RALGDS: variants seen among roughly 807,000 people sequenced by gnomAD.
The protein encoded by RALGDS is ral guanine nucleotide dissociation stimulator, also known as ral guanine nucleotide exchange factor.
RALGDS carries 44 observed loss-of-function variants against 99.8 expected under a neutral mutation model. That is an observed-to-expected ratio of 0.44 (90% CI 0.35 to 0.57). The LOEUF is 0.57. Ranked by LOEUF, RALGDS falls within the 20% of genes least tolerant of loss-of-function variation. RALGDS has a pLI of 0.01. For synonymous variants in RALGDS, 529 were observed against 505.0 expected (o/e 1.05, Z -0.64); for missense variants, 1,022 against 1,203.1 (o/e 0.85, Z 2.23).
At chr9:133,103,897 C>G in intron 10 of RALGDS, 64 bp from the exon 11 acceptor site, 7 of 1,496,554 alleles carry the variant, frequency 4.7e-6, no homozygotes, top group Non-Finnish European at 6.5e-6. Flanking sequence ...AGCCCCCAGC[C>G]CCAACTGGTC....
intron 1 of RALGDS, among the ~76,000 whole-genome samples, chr9:133,120,199 G>A (rs890820105): frequency 2.0e-5 from 3 of 152,082 alleles, no homozygotes; most frequent in Non-Finnish European, 4.4e-5. Context: ...CAGGGCACAC[G>A]AGAAACAAGC....
chr9:133,107,043 G>C, intron 7 of RALGDS, 42 bp downstream of exon 7: 1 of 1,604,626 alleles, frequency 6.2e-7, no homozygotes, highest in Non-Finnish European at 8.5e-7. Flanking sequence ...CCTGAGAACA[G>C]ATGAAGCCAA....
chr9:133,140,125 T>C (rs1310401044), intron 1 of RALGDS, among the ~76,000 whole-genome samples: 10 of 27,434 alleles, frequency 3.6e-4, no homozygotes, highest in Non-Finnish European at 6.5e-4. Flanking sequence ...AGGGGTGGGG[T>C]GGGGTGGGGT....
chr9:133,114,660 G>C (rs917372097), intron 1 of RALGDS, among the ~76,000 whole-genome samples: 3 of 152,240 alleles, frequency 2.0e-5, no homozygotes, highest in Non-Finnish European at 2.9e-5. Flanking sequence ...CTAGTGAACA[G>C]CTGATGCAGA....
intron 7 of RALGDS, among the ~76,000 whole-genome samples, 159 bp downstream of exon 7, chr9:133,106,926 T>TA (rs1261847819): frequency 6.6e-6 from 1 of 151,746 alleles, no homozygotes; most frequent in East Asian, 1.9e-4. Flanking sequence ...GGAAAGAGTG[T>TA]AAGGAAGACG....
At chr9:133,115,201 G>A (rs1255131423) in intron 1 of RALGDS, among the ~76,000 whole-genome samples, 1 of 152,198 alleles carries the variant, frequency 6.6e-6, no homozygotes, top group African/African-American at 2.4e-5. Flanking sequence ...TCAGCCTTCT[G>A]GTGCAGCTCC....
intron 15 of RALGDS, 23 bp from the exon 16 acceptor site, chr9:133,101,785 C>A: frequency 6.3e-7 from 1 of 1,583,486 alleles, no homozygotes; most frequent in Admixed American, 1.8e-5. Context: ...GTAAGATCAG[C>A]AGATCCCACT....
chr9:133,106,724 A>T lies in RALGDS; in HGVS notation c.1438T>A (p.Ser480Thr). Residue 480 changes from serine to threonine, a missense_variant, in exon 8 of 18, where the codon TCG becomes ACG. Coordinates refer to ENST00000372050, the MANE Select transcript of RALGDS (RefSeq NM_006266.4). ...GCAGAGAGGATGGCATACAGTGACG[A>T]GAAGTTCTTGAGGATCCGGCACTCC... ...ARECRILKNF[S>T]SLYAILSALQ... is the part of the protein sequence containing the mutation. 1 of 1,612,534 alleles carries T rather than the reference A, an allele frequency of 6.2e-7. No individual in the cohort carries two copies. The highest frequency in any genetic ancestry group is 1.3e-5 in the African/African-American group (1 of 75,008).
At chr9:133,108,595 C>G (rs994211465) in intron 5 of RALGDS, 78 bp downstream of exon 5, 1 of 1,560,382 alleles carries the variant, frequency 6.4e-7, no homozygotes, top group African/African-American at 1.4e-5. Context: ...AGCACCAGAC[C>G]CTGGAGCCTC....
intron 1 of RALGDS, among the ~76,000 whole-genome samples, chr9:133,118,170 G>A (rs1473443906): frequency 6.6e-6 from 1 of 152,192 alleles, no homozygotes; most frequent in Non-Finnish European, 1.5e-5. Context: ...GAGTCACCCA[G>A]GAAGCTCTCC....
In RALGDS at chr9:133,098,598, C is replaced by T. The variant is rs1445102031; in HGVS notation, c.2734G>A (p.Gly912Ser). Residue 912 changes from glycine to serine, a missense_variant, in exon 18 of 18, where the codon GGC (glycine) becomes AGC (serine). Around this residue, in one of 3 missense-constraint regions of RALGDS, gnomAD observed 825 missense variants for 994.5 expected, o/e 0.83. Transcript: ENST00000372050. Reference sequence around the variant, plus strand: ...CTGGGAGGATGCCCTCAGAAGATGCCCTTGGCAATCTTGAGTCCTTTCTGC... The same window carrying T: ...CTGGGAGGATGCCCTCAGAAGATGCTCTTGGCAATCTTGAGTCCTTTCTGC... Reference protein sequence around the residue: ...MKQKGLKIAKGIF With the variant: ...MKQKGLKIAKSIF 2.5e-6 allele frequency: 4 copies of T among 1,614,080 alleles called. No individual in the cohort carries two copies. In the Admixed American group the frequency reaches 6.7e-5, roughly 27 times the overall value.
rs938446253 is a variant in RALGDS at position 133,108,747 on chromosome 9, G to A, written c.704C>T (p.Ser235Leu). 6.2e-7 allele frequency: 1 copy of A among 1,613,736 alleles called. No homozygotes were observed. The highest frequency in any genetic ancestry group is 8.5e-7 in the Non-Finnish European group (1 of 1,180,034). ...AAGGTGGGCACGGCGCTCCAGGTCT[G>A]AGCCTGGCATGTTGAGCTGCACGTA... ...VAYVQLNMPG[S>L]DLERRAHLLL... The change falls in exon 5 of 18, where the codon TCA (serine) becomes TTA (leucine). Residue 235 changes from serine to leucine, a missense_variant. Transcript: ENST00000372050.
chr9:133,105,559 T>TG (rs1462347213), intron 9 of RALGDS, among the ~76,000 whole-genome samples: 12 of 152,102 alleles, frequency 7.9e-5, no homozygotes, highest in African/African-American at 2.9e-4. Flanking sequence ...GAGCCTGGCC[T>TG]CCCGGGGACA....
Position 133,121,189 on chromosome 9 carries a change from G to A in RALGDS, c.-35C>T, listed in dbSNP as rs1831922696. ...GCAGCGCGGGCGCGGGGCCGGCCCG[G>A]CGCGCGGCGGGGGCGGCGGCGCGGC... is the stretch of plus-strand genomic sequence containing the variant. On this transcript the variant is annotated 5_prime_UTR_variant, in exon 1 of 18. Coordinates refer to ENST00000372050, the MANE Select transcript of RALGDS (RefSeq NM_006266.4). 1.3e-5 allele frequency: 12 copies of A among 899,894 alleles called. No homozygotes were observed. The highest frequency in any genetic ancestry group is 6.7e-5 in the Admixed American group (1 of 15,006). 55.7% of individuals were successfully genotyped at this position (899,894 alleles called of 1,614,324 possible). A position where few individuals can be genotyped will look rare whatever the true frequency, so the allele number is the denominator to read the frequency against.
chr9:133,108,925 G>C, intron 4 of RALGDS, 59 bp from the exon 5 acceptor site: 1 of 1,507,072 alleles, frequency 6.6e-7, no homozygotes, highest in African/African-American at 1.4e-5. Context: ...GCCAGGCTGG[G>C]CTCCTGAGCC....
intron 1 of RALGDS, among the ~76,000 whole-genome samples, chr9:133,145,562 G>A (rs538220707): frequency 2.6e-5 from 4 of 152,322 alleles, no homozygotes; most frequent in African/African-American, 9.6e-5. Flanking sequence ...GAGAGTGATG[G>A]CAGATGTGTG....
Position 133,098,139 on chromosome 9 carries a change from T to G in RALGDS, c.*448A>C. ...TGCAGCCTGAGAAAGGCTAGAGTGG[T>G]GGGAGGGGCCGGGACCCCTGCGAAG... On this transcript the variant is annotated 3_prime_UTR_variant, in exon 18 of 18. Transcript: ENST00000372050. The G allele has an allele frequency of 3.4e-6, 1 of 289,862 alleles. No homozygotes were observed. The highest frequency in any genetic ancestry group is 6.6e-6 in the Non-Finnish European group (1 of 151,048). The allele number at this position is 289,862 out of a possible 1,614,324, so 18.0% of individuals were successfully genotyped here.
At chr9:133,109,399 G>A (rs919249264) in intron 4 of RALGDS, among the ~76,000 whole-genome samples, 5 of 152,128 alleles carry the variant, frequency 3.3e-5, no homozygotes, top group South Asian at 2.1e-4. Flanking sequence ...ATGAGTTCCC[G>A]CCGGGGGCTG....
rs776314713 is a variant in RALGDS, at chr9:133,112,183, G to T, written c.184-31C>A. On this transcript the variant is annotated intron_variant, in intron 1 of 17. Transcript: ENST00000372050. ...AAGACAACGCCCGGCAGCCGGGCGC[G>T]GGGACGTCAAGGGCCTGCCTGGCCA... 5 of 1,487,200 alleles carry T rather than the reference G, an allele frequency of 3.4e-6. No individual in the cohort carries two copies. In the South Asian group the frequency reaches 3.6e-5, roughly 11 times the overall value. 92.1% of individuals were successfully genotyped at this position (1,487,200 alleles called of 1,614,324 possible).
Sources: allele counts gnomAD v4.1 joint callset (sites outside exome capture counted in the v4.1 genomes callset), GRCh38; gene constraint gnomAD v4.1.1; regional missense constraint gnomAD v4.1.1; transcripts MANE v1.5; gene names NCBI Gene and HGNC (gene_info 2026-07-23, HGNC 2026-07-21).